PHF24: variants seen among roughly 807,000 people sequenced by gnomAD.
PHF24 encodes the protein PHD finger protein 24, also known as Galpha inhibitory interacting protein.
A neutral mutation model predicts 42.6 loss-of-function variants in PHF24; 25 were observed. That is an observed-to-expected ratio of 0.59 (90% CI 0.43 to 0.82). PHF24 has a LOEUF of 0.82. PHF24 is among the 40% of genes least tolerant of loss of function. PHF24 has a pLI of 0.00. For missense variants in PHF24, 470 were observed against 538.1 expected (o/e 0.87, Z 1.25); for synonymous variants, 185 against 204.8 (o/e 0.90, Z 0.83).
chr9:34,751,785 A>G, the PHF24 span, among the ~76,000 whole-genome samples: 4 of 152,234 alleles, frequency 2.6e-5, no homozygotes, highest in African/African-American at 7.2e-5. Flanking sequence ...ATTCTCAAGG[A>G]TAGATCATTT....
At chr9:34,937,896 T>C in the PHF24 span, among the ~76,000 whole-genome samples, 15 of 152,302 alleles carry the variant, frequency 9.8e-5, no homozygotes, top group South Asian at 3.1e-3. Context: ...TTTACTAATA[T>C]CTCAATCAGA....
chr9:34,951,746 A>T, the PHF24 span, among the ~76,000 whole-genome samples: 1 of 152,242 alleles, frequency 6.6e-6, no homozygotes, highest in Non-Finnish European at 1.5e-5. Flanking sequence ...TTACAGCAGC[A>T]ATAGGAAGTT....
At chr9:34,927,335 G>T in the PHF24 span, among the ~76,000 whole-genome samples, 1 of 152,152 alleles carries the variant, frequency 6.6e-6, no homozygotes. Context: ...CCCCAGTGCT[G>T]GAGATATGCA....
chr9:34,970,011 G>C (rs942315458), intron 1 of PHF24, among the ~76,000 whole-genome samples: 12 of 152,190 alleles, frequency 7.9e-5, no homozygotes, highest in African/African-American at 2.4e-4. Context: ...ATATTAAGTA[G>C]CTTGAGTGGT....
chr9:34,825,655 GT>G, the PHF24 span, among the ~76,000 whole-genome samples: 2 of 151,968 alleles, frequency 1.3e-5, no homozygotes, highest in Non-Finnish European at 2.9e-5. Flanking sequence ...CCAAATCCAA[GT>G]TCATGAGTCC....
the PHF24 span, among the ~76,000 whole-genome samples, chr9:34,706,316 C>CT: frequency 6.6e-6 from 1 of 152,074 alleles, no homozygotes; most frequent in Non-Finnish European, 1.5e-5. Context: ...TAGATCTTCA[C>CT]TTTTTATAGT....
chr9:34,753,428 T>C, the PHF24 span, among the ~76,000 whole-genome samples: 1 of 152,090 alleles, frequency 6.6e-6, no homozygotes, highest in East Asian at 1.9e-4. Flanking sequence ...ACCTAGGAAT[T>C]AACCAGACAA....
chr9:34,898,629 G>C, the PHF24 span, among the ~76,000 whole-genome samples: 1 of 152,210 alleles, frequency 6.6e-6, no homozygotes, highest in Non-Finnish European at 1.5e-5. Flanking sequence ...TTAAAAGGCA[G>C]CTTGAGTCAG....
At chr9:34,950,802 T>G in the PHF24 span, among the ~76,000 whole-genome samples, 9 of 151,838 alleles carry the variant, frequency 5.9e-5, no homozygotes, top group African/African-American at 2.2e-4. Flanking sequence ...AAAGCAAACA[T>G]AAGGAGGAAA....
At chr9:34,790,082 A>G in the PHF24 span, among the ~76,000 whole-genome samples, 1 of 152,164 alleles carries the variant, frequency 6.6e-6, no homozygotes, top group African/African-American at 2.4e-5. Flanking sequence ...TCCTAGCCTC[A>G]GGCGATCCTC....
At chr9:34,690,372 C>A in the PHF24 span, 14 of 1,609,684 alleles carry the variant, frequency 8.7e-6, 1 homozygote, top group South Asian at 1.5e-4. Flanking sequence ...TGACAGGACA[C>A]AGGGACCCTT....
chr9:34,794,435 C>T, the PHF24 span, among the ~76,000 whole-genome samples: 1 of 152,082 alleles, frequency 6.6e-6, no homozygotes, highest in Non-Finnish European at 1.5e-5. Flanking sequence ...CAAAGTTATT[C>T]AACATATGAA....
chr9:34,746,449 G>A, the PHF24 span, among the ~76,000 whole-genome samples: 1 of 152,100 alleles, frequency 6.6e-6, no homozygotes, highest in Admixed American at 6.5e-5. Context: ...TATAAAATCA[G>A]CAATACACTA....
the PHF24 span, chr9:34,894,469 A>T: frequency 2.5e-6 from 1 of 398,594 alleles, no homozygotes; most frequent in Non-Finnish European, 4.4e-6. Flanking sequence ...AGCTTCCACA[A>T]CTTCTCGGCT....
the PHF24 span, among the ~76,000 whole-genome samples, chr9:34,738,497 C>G: frequency 6.6e-6 from 1 of 152,002 alleles, no homozygotes; most frequent in Non-Finnish European, 1.5e-5. Flanking sequence ...ATTACAGGCA[C>G]CTGCCACCAT....
the PHF24 span, among the ~76,000 whole-genome samples, chr9:34,935,744 G>C: frequency 6.7e-6 from 1 of 150,078 alleles, no homozygotes; most frequent in South Asian, 2.1e-4. Context: ...GTGGGGGGGG[G>C]GTGTGTGTGT....
At chr9:34,851,204 G>A in the PHF24 span, among the ~76,000 whole-genome samples, 13 of 152,198 alleles carry the variant, frequency 8.5e-5, no homozygotes, top group Non-Finnish European at 1.6e-4. Context: ...GCCCCCAGAG[G>A]TGGTGCCTGC....
At chr9:34,813,271 C>A in the PHF24 span, among the ~76,000 whole-genome samples, 2 of 152,170 alleles carry the variant, frequency 1.3e-5, no homozygotes, top group South Asian at 2.1e-4. Context: ...AGGTGCTGTT[C>A]AAATTCCATG....
the PHF24 span, among the ~76,000 whole-genome samples, chr9:34,666,359 C>T: frequency 6.6e-6 from 1 of 152,110 alleles, no homozygotes; most frequent in African/African-American, 2.4e-5. Context: ...GGCTTCTGCC[C>T]TGCCGAGTGC....
Sources: allele counts gnomAD v4.1 joint callset (sites outside exome capture counted in the v4.1 genomes callset), GRCh38; gene constraint gnomAD v4.1.1; transcripts MANE v1.5; gene names NCBI Gene and HGNC (gene_info 2026-07-23, HGNC 2026-07-21).